PPP1R1C: variants seen among roughly 807,000 people sequenced by gnomAD.
The protein encoded by PPP1R1C is protein phosphatase 1 regulatory inhibitor subunit 1C, also known as protein phosphatase 1 regulatory subunit 1C.
A neutral mutation model predicts 17.4 loss-of-function variants in PPP1R1C; 15 were observed. The observed-to-expected ratio is 0.86, with a 90% confidence interval of 0.58 to 1.33. The LOEUF is 1.33. Among genes scored for constraint, PPP1R1C ranks in the 40% most tolerant of loss-of-function variants. The pLI is 0.00. For synonymous variants in PPP1R1C, 35 were observed against 43.1 expected (o/e 0.81, Z 0.73); for missense variants, 143 against 130.0 (o/e 1.10, Z -0.48).
chr2:182,005,179 A>G (rs1685881109), intron 2 of PPP1R1C, among the ~76,000 whole-genome samples: 1 of 152,198 alleles, frequency 6.6e-6, no homozygotes, highest in African/African-American at 2.4e-5. Context: ...TATATACTAT[A>G]GGCTCAATAT....
Position 182,061,474 on chromosome 2 carries a change from G to A in PPP1R1C, c.175G>A (p.Gly59Arg). The A allele has an allele frequency of 6.8e-7, 1 of 1,465,650 alleles. No homozygotes were observed. The highest frequency in any genetic ancestry group is 9.0e-7 in the Non-Finnish European group (1 of 1,110,972). 90.8% of individuals were successfully genotyped at this position (1,465,650 alleles called of 1,614,324 possible). A position where few individuals can be genotyped will look rare whatever the true frequency, so the allele number is the denominator to read the frequency against. The change falls in exon 3 of 5, where the codon GGG (glycine) becomes AGG (arginine). Residue 59 changes from glycine (G) to arginine (R), a missense_variant. Physicochemically the swap from Gly to Arg is moderately radical, Grantham distance 125 (BLOSUM62 -2). Coordinates refer to ENST00000682840, the MANE Select transcript of PPP1R1C (RefSeq NM_001080545.3). ...IDDKRGPNTQ[G>R]ELQNASPKQR... is the part of the protein sequence containing the mutation. ...TGACAAGAGGGGGCCCAACACACAA[G>A]GGGAAGTAAGTTTTTAAAAATATTT...
upstream of PPP1R1C, among the ~76,000 whole-genome samples, chr2:181,981,450 C>G (rs1685193139): frequency 6.6e-6 from 1 of 152,088 alleles, no homozygotes; most frequent in Non-Finnish European, 1.5e-5. Flanking sequence ...CATGGTTGAA[C>G]TTATAGGACA....
intron 2 of PPP1R1C, among the ~76,000 whole-genome samples, chr2:181,996,554 C>G (rs1559049808): frequency 6.6e-6 from 1 of 152,164 alleles, no homozygotes; most frequent in Non-Finnish European, 1.5e-5. Flanking sequence ...TTTAACAAAG[C>G]CATTTGTGAA....
At chr2:182,066,374 G>A (rs1244543069) in intron 4 of PPP1R1C, among the ~76,000 whole-genome samples, 2 of 152,014 alleles carry the variant, frequency 1.3e-5, no homozygotes, top group African/African-American at 4.8e-5. Context: ...TCTCAATTGT[G>A]TGTCATCATA....
chr2:181,991,811 A>C (rs930655607), intron 2 of PPP1R1C, among the ~76,000 whole-genome samples: 1 of 151,994 alleles, frequency 6.6e-6, no homozygotes, highest in Non-Finnish European at 1.5e-5. Flanking sequence ...CTATTCTTAT[A>C]CTGTGTGCTG....
At chr2:181,958,794 G>A (rs1293215925) in intron 1 of PPP1R1C, among the ~76,000 whole-genome samples, 1 of 152,188 alleles carries the variant, frequency 6.6e-6, no homozygotes, top group Non-Finnish European at 1.5e-5. Context: ...CCACATTGTA[G>A]CATCTAGAGG....
intron 5 of PPP1R1C, among the ~76,000 whole-genome samples, chr2:182,123,402 G>T (rs1309749721): frequency 1.3e-5 from 2 of 152,090 alleles, no homozygotes; most frequent in South Asian, 2.1e-4. Flanking sequence ...GGTATTTCTG[G>T]TTCTAGATCC....
intron 4 of PPP1R1C, among the ~76,000 whole-genome samples, chr2:182,077,287 G>A (rs1229465043): frequency 1.3e-4 from 20 of 151,088 alleles, no homozygotes; most frequent in Admixed American, 1.3e-3. Flanking sequence ...TACATTTTGT[G>A]AGAGCTGAAC....
Position 181,962,283 on chromosome 2 carries a change from C to G in PPP1R1C, n.111+7649C>G, listed in dbSNP as rs564352567. The G allele has an allele frequency of 1.3e-5, 10 of 747,290 alleles. No homozygotes were observed. The East Asian group carries it at 2.5e-4, about 19-fold the overall frequency. 46.3% of individuals were successfully genotyped at this position (747,290 alleles called of 1,614,324 possible). ...ATTCCTGCCAGACCCCCGGCCATCCCCGCGGCCAGGTCCCCGGACCCCATG... is the reference window on the plus strand; with the variant it reads ...ATTCCTGCCAGACCCCCGGCCATCCGCGCGGCCAGGTCCCCGGACCCCATG... On this transcript the variant is annotated intron_variant and non_coding_transcript_variant, in intron 1 of 5. Coordinates refer to the PPP1R1C transcript ENST00000464264. The surrounding 1 kb of genome is among the most constrained non-coding windows in gnomAD (Gnocchi z 6.0).
intron 4 of PPP1R1C, among the ~76,000 whole-genome samples, chr2:182,116,411 A>G (rs1689584208): frequency 6.6e-6 from 1 of 152,170 alleles, no homozygotes; most frequent in Non-Finnish European, 1.5e-5. Flanking sequence ...TGGGGTAGCC[A>G]TCAGAGAGGA....
intron 2 of PPP1R1C, among the ~76,000 whole-genome samples, chr2:182,031,306 T>C (rs1331235506): frequency 1.3e-5 from 2 of 152,248 alleles, no homozygotes; most frequent in African/African-American, 2.4e-5. Context: ...ATAATGATGA[T>C]TATATTTGGA....
intron 2 of PPP1R1C, among the ~76,000 whole-genome samples, chr2:182,027,106 T>C (rs1239219094): frequency 1.4e-5 from 2 of 145,150 alleles, no homozygotes; most frequent in Non-Finnish European, 3.0e-5. Flanking sequence ...TAAGGAGATT[T>C]TGGGCTGTGA....
chr2:182,129,481 A>G lies in PPP1R1C; in HGVS notation c.*514A>G, dbSNP rs1399785600. ...TTTACTGATAGTCTACTACCTGCCA[A>G]CTACTGAATTATGCAGCAGACTTAT... On this transcript the variant is annotated 3_prime_UTR_variant, in exon 6 of 6. Coordinates refer to the PPP1R1C transcript ENST00000280295. 3 of 152,108 alleles carry G rather than the reference A, an allele frequency of 2.0e-5. No homozygotes were observed. The East Asian group carries it at 5.8e-4, about 29-fold the overall frequency. 9.4% of individuals were successfully genotyped at this position (152,108 alleles called of 1,614,324 possible).
At chr2:182,067,288 A>G (rs999161988) in intron 4 of PPP1R1C, among the ~76,000 whole-genome samples, 3 of 152,162 alleles carry the variant, frequency 2.0e-5, no homozygotes, top group Non-Finnish European at 2.9e-5. Context: ...TTGTATGCTT[A>G]CAGCATTTTA....
intron 2 of PPP1R1C, among the ~76,000 whole-genome samples, chr2:182,041,748 G>T (rs563093389): frequency 6.6e-6 from 1 of 152,184 alleles, no homozygotes; most frequent in African/African-American, 2.4e-5. Context: ...GACCAAAGGG[G>T]TCATATAACA....
At chr2:182,062,237 A>G (rs1279744254) in intron 3 of PPP1R1C, among the ~76,000 whole-genome samples, 3 of 152,118 alleles carry the variant, frequency 2.0e-5, no homozygotes, top group Non-Finnish European at 4.4e-5. Flanking sequence ...ATATCACAAG[A>G]CTTTTCTGAA....
chr2:181,967,944 A>G lies in PPP1R1C; in HGVS notation n.112-7275A>G, dbSNP rs1344863926. 3.3e-5 allele frequency among the ~76,000 whole-genome samples: 5 copies of G among 152,158 alleles called. No individual in the cohort carries two copies. Among genetic ancestry groups the G allele is most frequent in the African/African-American group, 7.2e-5 (3 of 41,422 alleles). The stretch of plus-strand genomic sequence containing the variant: ...TGGTCAAGCTGGTCTCAAACTCCCA[A>G]TCTCAGGTGATCCACCCGCCTTGGT... On this transcript the variant is annotated intron_variant and non_coding_transcript_variant, in intron 1 of 5. Transcript: ENST00000464264. This position sits in a 1 kb window ranked among gnomAD's most constrained non-coding sequence, Gnocchi z 5.5.
At chr2:182,119,980 C>G (rs1400623583), downstream of PPP1R1C, among the ~76,000 whole-genome samples, 1 of 152,092 alleles carries the variant, frequency 6.6e-6, no homozygotes, top group African/African-American at 2.4e-5. Context: ...AAGTCCTTGC[C>G]CATGCCTATG....
rs73032696 is a variant in PPP1R1C at position 181,961,957 on chromosome 2, C to T, written n.111+7323C>T. The T allele has an allele frequency of 0.059, 43,185 of 736,776 alleles. 2,960 individuals carry two copies. The highest frequency in any genetic ancestry group is 0.23 in the African/African-American group (13,319 of 58,194). 45.6% of individuals were successfully genotyped at this position (736,776 alleles called of 1,614,324 possible). A position where few individuals can be genotyped will look rare whatever the true frequency, so the allele number is the denominator to read the frequency against. ...GGATGTCACTCCCCACAGACGGGTG[C>T]ATGGCCAGCTCTGTCTCATACTTGA... On this transcript the variant is annotated intron_variant and non_coding_transcript_variant, in intron 1 of 5. Coordinates refer to the PPP1R1C transcript ENST00000464264. This position sits in a 1 kb window ranked among gnomAD's most constrained non-coding sequence, Gnocchi z 5.8.
Sources: allele counts gnomAD v4.1 joint callset (sites outside exome capture counted in the v4.1 genomes callset), GRCh38; gene constraint gnomAD v4.1.1; non-coding constraint Gnocchi (gnomAD v3.1); transcripts MANE v1.5; gene names NCBI Gene and HGNC (gene_info 2026-07-23, HGNC 2026-07-21).